FBXW4: variants seen among roughly 807,000 people sequenced by gnomAD.
The protein encoded by FBXW4 is F-box/WD repeat-containing protein 4.
Under a neutral mutation model 61.8 loss-of-function variants are expected in FBXW4, and 40 were observed. That is an observed-to-expected ratio of 0.65 (90% CI 0.50 to 0.84). The LOEUF is 0.84. FBXW4 is among the 40% of genes least tolerant of loss of function. FBXW4 has a pLI of 0.00. For missense variants in FBXW4, 672 were observed against 753.8 expected (o/e 0.89, Z 1.27); for synonymous variants, 311 against 313.8 (o/e 0.99, Z 0.10).
intron 6 of FBXW4, among the ~76,000 whole-genome samples, chr10:101,618,140 T>C (rs1397399879): frequency 1.3e-5 from 2 of 152,238 alleles, no homozygotes; most frequent in African/African-American, 4.8e-5. Flanking sequence ...CAAATGTCCC[T>C]TACCATTTAT....
intron 1 of FBXW4, among the ~76,000 whole-genome samples, chr10:101,685,253 T>C (rs1032507774): frequency 3.3e-5 from 5 of 152,328 alleles, no homozygotes; most frequent in Admixed American, 6.5e-5. Flanking sequence ...CACCTAGGCA[T>C]TGCTAGCTTT....
chr10:101,617,933 G>C (rs2063838550), intron 6 of FBXW4, among the ~76,000 whole-genome samples: 1 of 152,222 alleles, frequency 6.6e-6, no homozygotes, highest in African/African-American at 2.4e-5. Context: ...TGCTTTCAAA[G>C]GAGAAGGGAG....
At chr10:101,668,668 G>A (rs2064330176) in intron 4 of FBXW4, among the ~76,000 whole-genome samples, 1 of 152,110 alleles carries the variant, frequency 6.6e-6, no homozygotes, top group African/African-American at 2.4e-5. Context: ...CACATTATCT[G>A]GTCTCTATCA....
At chr10:101,668,006 C>T (rs199799100) in intron 4 of FBXW4, 26 bp from the exon 5 acceptor site, 39 of 1,587,580 alleles carry the variant, frequency 2.5e-5, no homozygotes, top group Admixed American at 2.3e-4. Flanking sequence ...GAGATGCTCT[C>T]GTTGGCATTG....
At chr10:101,674,834 A>T (rs2064392741) in intron 2 of FBXW4, among the ~76,000 whole-genome samples, 1 of 152,234 alleles carries the variant, frequency 6.6e-6, no homozygotes, top group South Asian at 2.1e-4. Context: ...GAGACTTAAG[A>T]AGAAAGAAGA....
At chr10:101,680,069 T>C (rs1301633603) in intron 1 of FBXW4, among the ~76,000 whole-genome samples, 1 of 152,182 alleles carries the variant, frequency 6.6e-6, no homozygotes, top group East Asian at 1.9e-4. Flanking sequence ...ATTATTTCAT[T>C]CCTTTTTATG....
chr10:101,658,946 G>A (rs1258517466), intron 5 of FBXW4, among the ~76,000 whole-genome samples: 6 of 151,890 alleles, frequency 4.0e-5, no homozygotes, highest in Admixed American at 6.6e-5. Flanking sequence ...CCACTGGAAC[G>A]GATCAGTGCC....
intron 6 of FBXW4, among the ~76,000 whole-genome samples, chr10:101,618,576 C>A (rs1198272458): frequency 6.6e-6 from 1 of 152,000 alleles, no homozygotes; most frequent in Admixed American, 6.5e-5. Context: ...CAGGGATGAC[C>A]CTGGCCCAAA....
chr10:101,675,818 A>T (rs1243078307), intron 2 of FBXW4, among the ~76,000 whole-genome samples: 2 of 152,262 alleles, frequency 1.3e-5, no homozygotes, highest in Admixed American at 6.5e-5. Flanking sequence ...AAATTTCCTT[A>T]TACTTGCTCT....
intron 5 of FBXW4, chr10:101,659,465 G>C: frequency 1.0e-6 from 1 of 983,836 alleles, no homozygotes; most frequent in Non-Finnish European, 1.2e-6. Flanking sequence ...TCTCTTCACT[G>C]TCCAGAGAAG....
intron 5 of FBXW4, among the ~76,000 whole-genome samples, chr10:101,651,705 C>T (rs2064147453): frequency 6.6e-6 from 1 of 152,078 alleles, no homozygotes; most frequent in Non-Finnish European, 1.5e-5. Context: ...AGCTGAGACC[C>T]CCACCCACTG....
At chr10:101,682,061 T>C (rs563192293) in intron 1 of FBXW4, among the ~76,000 whole-genome samples, 3 of 152,296 alleles carry the variant, frequency 2.0e-5, no homozygotes, top group South Asian at 4.1e-4. Flanking sequence ...GTACAATACA[T>C]GTTATAAATC....
intron 5 of FBXW4, among the ~76,000 whole-genome samples, chr10:101,663,313 C>T (rs2064263787): frequency 2.0e-5 from 3 of 152,032 alleles, no homozygotes; most frequent in Non-Finnish European, 4.4e-5. Context: ...GGGAAGCTGA[C>T]ACGTATCAAG....
At chr10:101,663,431 T>C (rs767959018) in intron 5 of FBXW4, among the ~76,000 whole-genome samples, 1 of 152,218 alleles carries the variant, frequency 6.6e-6, no homozygotes, top group African/African-American at 2.4e-5. Flanking sequence ...CCTCATACTT[T>C]AGTATTTACT....
intron 5 of FBXW4, chr10:101,625,064 T>G (rs973671174): frequency 3.4e-5 from 19 of 555,564 alleles, no homozygotes; most frequent in Non-Finnish European, 6.2e-5. Flanking sequence ...ACAGACTAGG[T>G]TGAGTGGTCT....
At position 101,657,093 on chromosome 10, in the gene FBXW4, G is replaced by A. The variant is rs149469501; in HGVS notation, c.1235+10793C>T. On this transcript the variant is annotated intron_variant, in intron 5 of 8. Coordinates refer to ENST00000331272, the MANE Select transcript of FBXW4 (RefSeq NM_022039.4). ...CTTCCCTCCTCCCTCCAATCCTCCC[G>A]CCCTTGTCAGCACCTCAGATAGGCC... Among the ~76,000 whole-genome samples, 132 of 152,066 alleles carry A rather than the reference G, an allele frequency of 8.7e-4. 1 individual carries two copies. The South Asian group carries it at 9.6e-3, about 11-fold the overall frequency.
intron 6 of FBXW4, among the ~76,000 whole-genome samples, chr10:101,618,111 A>G (rs1589738888): frequency 6.6e-6 from 1 of 152,340 alleles, no homozygotes; most frequent in South Asian, 2.1e-4. Context: ...TTCCTTCTCC[A>G]GACAGAAGGG....
chr10:101,612,337 C>A lies in FBXW4; in HGVS notation c.1442G>T (p.Arg481Leu). 6.4e-7 allele frequency: 1 copy of A among 1,560,806 alleles called. No individual in the cohort carries two copies. The highest frequency in any genetic ancestry group is 1.2e-5 in the South Asian group (1 of 80,566). ...VRYWDLRTSV[R>L]KCVMEWEEPH... is the part of the protein sequence containing the mutation. ...TGTCCTCCCTGCCCAGCACACTCAC[C>A]GGACGCTGGTGCGGAGGTCCCAGTA... Residue 481 changes from arginine (R) to leucine (L), a missense_variant and splice_region_variant, in exon 7 of 9, where the codon CGG becomes CTG. Physicochemically the swap from Arg to Leu is moderately radical, Grantham distance 102. Transcript: ENST00000331272.
intron 5 of FBXW4, among the ~76,000 whole-genome samples, chr10:101,667,549 G>A (rs1357217664): frequency 6.6e-6 from 1 of 152,160 alleles, no homozygotes; most frequent in Non-Finnish European, 1.5e-5. Flanking sequence ...GGTGGTGAGA[G>A]GCCTCTGCTT....
Sources: allele counts gnomAD v4.1 joint callset (sites outside exome capture counted in the v4.1 genomes callset), GRCh38; gene constraint gnomAD v4.1.1; transcripts MANE v1.5; gene names NCBI Gene and HGNC (gene_info 2026-07-23, HGNC 2026-07-21).